The following HADHA variants were observed in gnomAD, a reference collection of about 807,000 sequenced individuals.
HADHA encodes trifunctional enzyme subunit alpha, mitochondrial.
HADHA carries 59 observed loss-of-function variants against 91.3 expected under a neutral mutation model. That is an observed-to-expected ratio of 0.65 (90% confidence interval 0.52 to 0.80). The LOEUF (loss-of-function observed/expected upper bound fraction) is 0.80, where lower values mean the gene tolerates loss of function less well. Among genes scored for constraint, HADHA ranks in the 30% least tolerant of loss-of-function variants. The probability of loss-of-function intolerance (pLI) is 0.00; values close to 1 mark genes in which losing one functional copy is unlikely to be tolerated. For missense variants in HADHA, 800 were observed against 927.6 expected, an observed-to-expected ratio of 0.86 and a Z score of 1.79; for synonymous variants, 320 against 338.9, an observed-to-expected ratio of 0.94 and a Z score of 0.61.
Position 26,218,389 on chromosome 2 carries a change from C to T in HADHA, c.677-3214G>A, listed in dbSNP as rs181682128. On this transcript the variant is annotated intron_variant, in intron 7 of 19. Transcript: ENST00000380649. ...GGGAAATAGACTTTGTCAGACAAAT[C>T]AAAAGGTAAGAACAGACCTACACTA... Among the ~76,000 whole-genome samples, 503 of 151,174 alleles carry T rather than the reference C, an allele frequency of 3.3e-3. 4 individuals are homozygous for T. Among genetic ancestry groups the T allele is most frequent in the Non-Finnish European group, 5.8e-3 (393 of 67,802 alleles).
chr2:26,191,253 C>T lies in HADHA; in HGVS notation c.2289G>A (p.Gln763=), dbSNP rs779065171. 6.2e-7 allele frequency: 1 copy of T among 1,612,352 alleles called. No homozygotes were observed. The highest frequency in any genetic ancestry group is 1.3e-5 in the African/African-American group (1 of 74,876). Residue 763 remains glutamine, a synonymous_variant, in exon 20 of 20, where the codon CAG becomes CAA. Coordinates refer to ENST00000380649, the MANE Select transcript of HADHA (RefSeq NM_000182.5). Reference sequence around the variant, plus strand: ...CTGAGCGAGGCATGAGGCCTGCTCACTGGTAGAACTTCTTGTTAGGGCTGT... The same window carrying T: ...CTGAGCGAGGCATGAGGCCTGCTCATTGGTAGAACTTCTTGTTAGGGCTGT... ...HANSPNKKFY[Q] is the part of the protein sequence containing the mutation.
chr2:26,200,944 G>A (rs542850751), intron 13 of HADHA, among the ~76,000 whole-genome samples: 1 of 152,226 alleles, frequency 6.6e-6, no homozygotes, highest in South Asian at 2.1e-4. Context: ...ATATCGGCCA[G>A]TCTGGTCTCG....
At chr2:26,236,377 ACT>A (rs1553315896) in intron 4 of HADHA, among the ~76,000 whole-genome samples, 8,915 of 93,844 alleles carry the variant, frequency 0.095, 363 homozygotes, top group South Asian at 0.11. Context: ...ATATATATAT[ACT>A]CTGTGTGTGT....
In HADHA at chr2:26,229,476, T is replaced by C. The variant is rs2147779465; in HGVS notation, c.676+716A>G. Among the ~76,000 whole-genome samples, 1 of 152,254 alleles carries C rather than the reference T, an allele frequency of 6.6e-6. No individual in the cohort carries two copies. The highest frequency in any genetic ancestry group is 1.9e-4 in the East Asian group (1 of 5,182). On this transcript the variant is annotated intron_variant, in intron 7 of 19. Transcript: ENST00000380649. The surrounding 1 kb of genome is among the most constrained non-coding windows in gnomAD (Gnocchi z 4.3). The stretch of plus-strand genomic sequence containing the variant: ...ACACAAGTCAGAATAGTGGCTTCTT[T>C]GGATAAAGGGAGGCAAAGAAACTGA...
At chr2:26,218,943 A>G (rs548990726) in intron 7 of HADHA, among the ~76,000 whole-genome samples, 122 of 135,636 alleles carry the variant, frequency 9.0e-4, no homozygotes, top group Non-Finnish European at 1.4e-3. Context: ...GGAGGCAGAG[A>G]TTGCAGTGAG....
chr2:26,232,327 T>C, intron 5 of HADHA, 48 bp from the exon 6 acceptor site: 2 of 1,430,874 alleles, frequency 1.4e-6, no homozygotes, highest in South Asian at 1.2e-5. Flanking sequence ...TGTAACTTAG[T>C]AGCAACTTGA....
rs375746236 is a variant in HADHA at position 26,197,810 on chromosome 2, G to A, written c.1393-33C>T. The A allele has an allele frequency of 1.5e-5, 16 of 1,061,094 alleles. No individual in the cohort carries two copies. The African/African-American group carries it at 2.2e-4, about 14-fold the overall frequency. The allele number at this position is 1,061,094 out of a possible 1,614,324, so 65.7% of individuals were successfully genotyped here. On this transcript the variant is annotated intron_variant, in intron 13 of 19. Coordinates refer to ENST00000380649, the MANE Select transcript of HADHA (RefSeq NM_000182.5). ...GGAAAAGCATTTAACAATGTGTCAG[G>A]TAGGCCTGGGAGATGATTAGAGGCC...
intron 2 of HADHA, 34 bp from the exon 3 acceptor site, chr2:26,239,038 A>ATTTTTTTTTTT: frequency 6.4e-7 from 1 of 1,571,588 alleles, no homozygotes; most frequent in Non-Finnish European, 8.8e-7. Context: ...TTGTAAACAT[A>ATTTTTTTTTTT]TTTATTGCAA....
intron 1 of HADHA, among the ~76,000 whole-genome samples, chr2:26,241,283 G>C (rs761260440): frequency 2.6e-5 from 4 of 151,972 alleles, no homozygotes; most frequent in Admixed American, 2.6e-4. Context: ...TTCAACACTG[G>C]GAGAAGCGAC....
At chr2:26,216,942 G>C (rs1670236823) in intron 7 of HADHA, among the ~76,000 whole-genome samples, 1 of 152,174 alleles carries the variant, frequency 6.6e-6, no homozygotes, top group Non-Finnish European at 1.5e-5. Context: ...CCATAGCCAG[G>C]AGACAGATCA....
In HADHA at chr2:26,214,758, G is replaced by A. The variant is rs1338614517; in HGVS notation, c.800-197C>T. ...GTGATGAATGTTAAAGCTGGGCCTT[G>A]GGTACATGAGTGTTTATAACACTGT... On this transcript the variant is annotated intron_variant, in intron 8 of 19. Transcript: ENST00000380649. The surrounding 1 kb of genome is among the most constrained non-coding windows in gnomAD (Gnocchi z 4.1). Among the ~76,000 whole-genome samples, 1 of 152,154 alleles carries A rather than the reference G, an allele frequency of 6.6e-6. No individual in the cohort carries two copies. Among genetic ancestry groups the A allele is most frequent in the Non-Finnish European group, 1.5e-5 (1 of 68,036 alleles).
At chr2:26,194,472 G>T in intron 16 of HADHA, 98 bp downstream of exon 16, 1 of 806,964 alleles carries the variant, frequency 1.2e-6, no homozygotes, top group South Asian at 1.4e-5. Context: ...AGGAGTTGGT[G>T]TATCAGAAGG....
chr2:26,215,387 T>C (rs1040713380), intron 7 of HADHA, among the ~76,000 whole-genome samples: 1 of 152,014 alleles, frequency 6.6e-6, no homozygotes, highest in African/African-American at 2.4e-5. Flanking sequence ...GAAAACGCGG[T>C]CTTTAACTGT....
intron 6 of HADHA, among the ~76,000 whole-genome samples, chr2:26,231,496 G>C (rs1670622881): frequency 6.6e-6 from 1 of 152,112 alleles, no homozygotes; most frequent in African/African-American, 2.4e-5. Flanking sequence ...TGAGGGAAAA[G>C]GTCTGCCTCT....
chr2:26,215,920 G>A (rs2147770454), intron 7 of HADHA, among the ~76,000 whole-genome samples: 1 of 152,344 alleles, frequency 6.6e-6, no homozygotes, highest in African/African-American at 2.4e-5. Context: ...ATATGCAACT[G>A]ATTTTCCACG....
At chr2:26,216,175 G>A (rs1183165180) in intron 7 of HADHA, among the ~76,000 whole-genome samples, 1 of 152,140 alleles carries the variant, frequency 6.6e-6, no homozygotes, top group Non-Finnish European at 1.5e-5. Context: ...TCAATCAAAA[G>A]TCTGTAAGAG....
At chr2:26,192,626 A>G (rs1669542106) in intron 17 of HADHA, among the ~76,000 whole-genome samples, 1 of 152,064 alleles carries the variant, frequency 6.6e-6, no homozygotes, top group South Asian at 2.1e-4. Flanking sequence ...TCTCTACTAA[A>G]AATACAAAAA....
chr2:26,215,194 C>T lies in HADHA; in HGVS notation c.677-19G>A, dbSNP rs752541651. On this transcript the variant is annotated intron_variant, in intron 7 of 19. Transcript: ENST00000380649. ...CCTGGTCCTATAAAAATGAATGCAACACTGGAATGCAAATCAGGCTTAGAC... is the reference window on the plus strand; with the variant it reads ...CCTGGTCCTATAAAAATGAATGCAATACTGGAATGCAAATCAGGCTTAGAC... 1.9e-6 allele frequency: 3 copies of T among 1,611,676 alleles called. No homozygotes were observed. Among genetic ancestry groups the T allele is most frequent in the Non-Finnish European group, 2.5e-6 (3 of 1,178,214 alleles).
intron 7 of HADHA, among the ~76,000 whole-genome samples, chr2:26,224,634 G>T (rs903814376): frequency 6.6e-6 from 1 of 152,204 alleles, no homozygotes; most frequent in African/African-American, 2.4e-5. Context: ...AAGGATTAGT[G>T]TATTTTTGGT....
Sources: allele counts gnomAD v4.1 joint callset (sites outside exome capture counted in the v4.1 genomes callset), GRCh38; gene constraint gnomAD v4.1.1; non-coding constraint Gnocchi (gnomAD v3.1); transcripts MANE v1.5; gene names NCBI Gene and HGNC (gene_info 2026-07-23, HGNC 2026-07-21).